EIF2B3: variants seen among roughly 807,000 people sequenced by gnomAD.
EIF2B3 encodes eukaryotic translation initiation factor 2B subunit gamma.
A neutral mutation model predicts 54.1 loss-of-function variants in EIF2B3; 20 were observed. The ratio of observed to expected loss-of-function variants is 0.37; its 90% CI spans 0.26 to 0.54. The LOEUF (loss-of-function observed/expected upper bound fraction) is 0.54, where lower values mean the gene tolerates loss of function less well. Ranked by LOEUF, EIF2B3 falls within the 20% of genes least tolerant of loss-of-function variation. The pLI, the probability that EIF2B3 is intolerant of heterozygous loss-of-function variation, is 0.86. For synonymous variants in EIF2B3, 153 were observed against 188.1 expected, an observed-to-expected ratio of 0.81 and a Z score of 1.52; for missense variants, 448 against 547.8, an observed-to-expected ratio of 0.82 and a Z score of 1.82.
chr1:44,854,470 G>C (rs1215772243), intron 11 of EIF2B3, among the ~76,000 whole-genome samples: 1 of 152,018 alleles, frequency 6.6e-6, no homozygotes, highest in Non-Finnish European at 1.5e-5. Context: ...GGTGCTAGAA[G>C]AGGGTAGGGA....
At chr1:44,962,631 C>T (rs960555066) in intron 3 of EIF2B3, among the ~76,000 whole-genome samples, 5 of 152,064 alleles carry the variant, frequency 3.3e-5, no homozygotes, top group Non-Finnish European at 7.4e-5. Context: ...CCCAGGTTGG[C>T]CTCAAACTCC....
chr1:44,868,238 A>G (rs1654844496), intron 10 of EIF2B3, among the ~76,000 whole-genome samples: 1 of 151,916 alleles, frequency 6.6e-6, no homozygotes, highest in South Asian at 2.1e-4. Flanking sequence ...CTCTACTAAA[A>G]ATACAAAAAA....
intron 3 of EIF2B3, among the ~76,000 whole-genome samples, chr1:44,956,931 T>A (rs1221009232): frequency 6.6e-6 from 1 of 152,112 alleles, no homozygotes; most frequent in Non-Finnish European, 1.5e-5. Flanking sequence ...TTATTCAAAA[T>A]CCAGATGAAT....
intron 6 of EIF2B3, among the ~76,000 whole-genome samples, chr1:44,882,927 T>C (rs1394767690): frequency 1.4e-5 from 2 of 143,344 alleles, no homozygotes; most frequent in African/African-American, 2.6e-5. Context: ...TTTTTCTTTT[T>C]CTTTTTTTTT....
At chr1:44,935,302 G>C (rs1442867142) in intron 4 of EIF2B3, among the ~76,000 whole-genome samples, 2 of 152,046 alleles carry the variant, frequency 1.3e-5, no homozygotes, top group African/African-American at 4.8e-5. Flanking sequence ...CTGCAATAAA[G>C]CAATATAAAT....
chr1:44,948,797 A>C (rs1027025421), intron 3 of EIF2B3, among the ~76,000 whole-genome samples: 23 of 151,804 alleles, frequency 1.5e-4, no homozygotes, highest in African/African-American at 4.6e-4. Context: ...CACCTACCTA[A>C]TTCAGTCTTC....
intron 1 of EIF2B3, among the ~76,000 whole-genome samples, chr1:44,984,795 A>ATTTTTTTTTTT (rs1557718636): frequency 1.1e-4 from 9 of 80,466 alleles, no homozygotes; most frequent in East Asian, 9.4e-4. Context: ...AATAATGTCC[A>ATTTTTTTTTTT]TCTTTTTTTT....
intron 3 of EIF2B3, among the ~76,000 whole-genome samples, chr1:44,967,437 A>G (rs1347420284): frequency 7.0e-6 from 1 of 142,730 alleles, no homozygotes; most frequent in Admixed American, 7.2e-5. Context: ...ACAGAGCGAG[A>G]CTCTGTCTCA....
intron 9 of EIF2B3, 60 bp from the exon 10 acceptor site, chr1:44,874,886 C>G: frequency 1.2e-6 from 2 of 1,602,502 alleles, no homozygotes; most frequent in Non-Finnish European, 1.7e-6. Flanking sequence ...AAACCACCCT[C>G]CAGATCCCTC....
chr1:44,982,016 C>A (rs1294483103), intron 1 of EIF2B3, among the ~76,000 whole-genome samples: 2 of 148,648 alleles, frequency 1.3e-5, no homozygotes, highest in Non-Finnish European at 3.0e-5. Flanking sequence ...AGCAGAAACA[C>A]AAGCATGTTA....
At chr1:44,852,743 C>A (rs1459208651) in intron 11 of EIF2B3, among the ~76,000 whole-genome samples, 1 of 148,284 alleles carries the variant, frequency 6.7e-6, no homozygotes. Flanking sequence ...CGCAGCATTA[C>A]ACTCCAGCCT....
At chr1:44,860,942 A>G (rs1249396629) in intron 10 of EIF2B3, among the ~76,000 whole-genome samples, 2 of 152,252 alleles carry the variant, frequency 1.3e-5, no homozygotes, top group East Asian at 3.8e-4. Flanking sequence ...GATTCTTCCC[A>G]AATGCCAAAA....
chr1:44,969,629 G>A (rs1644380415), intron 3 of EIF2B3, among the ~76,000 whole-genome samples: 1 of 152,110 alleles, frequency 6.6e-6, no homozygotes, highest in Non-Finnish European at 1.5e-5. Flanking sequence ...AAGAATATGG[G>A]AGAAAGCAAG....
chr1:44,943,995 T>C (rs1192516117), intron 3 of EIF2B3, among the ~76,000 whole-genome samples: 12 of 151,662 alleles, frequency 7.9e-5, no homozygotes, highest in Non-Finnish European at 1.8e-4. Context: ...AATACAAAAA[T>C]TAGCCGGGCA....
chr1:44,892,815 TCTTAG>T (rs1330735552), intron 6 of EIF2B3, among the ~76,000 whole-genome samples: 7 of 152,174 alleles, frequency 4.6e-5, no homozygotes, highest in African/African-American at 1.4e-4. Flanking sequence ...AGTCACATAC[TCTTAG>T]CTTAATTTTG....
chr1:44,923,623 T>C (rs1643794548), intron 5 of EIF2B3, among the ~76,000 whole-genome samples: 1 of 146,288 alleles, frequency 6.8e-6, no homozygotes, highest in East Asian at 2.0e-4. Context: ...CAGAAAATTT[T>C]AAAAATTATT....
chr1:44,952,956 C>G (rs1644183760), intron 3 of EIF2B3, among the ~76,000 whole-genome samples: 1 of 152,186 alleles, frequency 6.6e-6, no homozygotes, highest in African/African-American at 2.4e-5. Context: ...GTTTTACTCA[C>G]TGTTCATCCT....
intron 3 of EIF2B3, among the ~76,000 whole-genome samples, chr1:44,957,278 C>T (rs1257000010): frequency 8.1e-6 from 1 of 123,492 alleles, no homozygotes; most frequent in African/African-American, 3.2e-5. Flanking sequence ...TCTATGCCCC[C>T]AAACACCACA....
chr1:44,893,522 G>A (rs780128239), intron 6 of EIF2B3, among the ~76,000 whole-genome samples: 9 of 152,190 alleles, frequency 5.9e-5, no homozygotes, highest in Non-Finnish European at 8.8e-5. Context: ...ATGATATTGA[G>A]CAAATGACTT....
Sources: allele counts gnomAD v4.1 joint callset (sites outside exome capture counted in the v4.1 genomes callset), GRCh38; gene constraint gnomAD v4.1.1; transcripts MANE v1.5; gene names NCBI Gene and HGNC (gene_info 2026-07-23, HGNC 2026-07-21).